DAP3: variants seen among roughly 807,000 people sequenced by gnomAD.
DAP3 encodes small ribosomal subunit protein mS29.
Under a neutral mutation model 51.9 loss-of-function variants are expected in DAP3, and 28 were observed. The observed-to-expected ratio is 0.54, with a 90% CI of 0.40 to 0.74. The LOEUF (loss-of-function observed/expected upper bound fraction) is 0.74, where lower values mean the gene tolerates loss of function less well. DAP3 is among the 30% of genes least tolerant of loss of function. The pLI, the probability that DAP3 is intolerant of heterozygous loss-of-function variation, is 0.00. For synonymous variants in DAP3, 170 were observed against 170.3 expected, an observed-to-expected ratio of 1.00 and a Z score of 0.01; for missense variants, 458 against 483.5, an observed-to-expected ratio of 0.95 and a Z score of 0.49.
chr1:155,725,347 C>T (rs1384680916), intron 4 of DAP3, 35 bp from the exon 5 acceptor site: 14 of 1,595,572 alleles, frequency 8.8e-6, no homozygotes, highest in Non-Finnish European at 1.2e-5. Flanking sequence ...TCCTTCCACA[C>T]CCACCCACTC....
chr1:155,688,308 C>T (rs1461736491), upstream of DAP3: 2 of 1,564,372 alleles, frequency 1.3e-6, no homozygotes, highest in African/African-American at 1.4e-5. Context: ...CCTCGCAAAG[C>T]GAACCCAAAA....
At chr1:155,726,113 C>CTTTTCTT in intron 6 of DAP3, 94 bp downstream of exon 6, 1 of 676,658 alleles carries the variant, frequency 1.5e-6, no homozygotes, top group South Asian at 2.3e-5. Context: ...CTTTTCTTTT[C>CTTTTCTT]TTTTTTTTTT....
In DAP3 at chr1:155,721,586, C is replaced by G; in HGVS notation, c.238C>G (p.Pro80Ala). The G allele has an allele frequency of 6.2e-7, 1 of 1,614,052 alleles. No individual in the cohort carries two copies. The highest frequency in any genetic ancestry group is 8.5e-7 in the Non-Finnish European group (1 of 1,180,016). ...CCCCCAGGATTTGGAGACTGTATTT[C>G]CCCATGGCCTTCCTCCTCGCTTTGT... ...ISPQDLETVFPHGLPPRFVMQ... is the reference protein window; with the variant it reads ...ISPQDLETVFAHGLPPRFVMQ... The change falls in exon 4 of 13, where the codon CCC becomes GCC. Residue 80 changes from proline (P) to alanine (A), a missense_variant. Transcript: ENST00000368336.
Position 155,689,102 on chromosome 1 carries a change from A to G in DAP3, c.-80A>G, listed in dbSNP as rs996270587. 10 of 1,337,282 alleles carry G rather than the reference A, an allele frequency of 7.5e-6. No homozygotes were observed. Among genetic ancestry groups the G allele is most frequent in the South Asian group, 2.5e-5 (2 of 78,886 alleles). The allele number at this position is 1,337,282 out of a possible 1,614,324, so 82.8% of individuals were successfully genotyped here. A position where few individuals can be genotyped will look rare whatever the true frequency, so the allele number is the denominator to read the frequency against. The stretch of plus-strand genomic sequence containing the variant: ...CCCGACCCTTTTTTGCAGTCTCAGG[A>G]CGGGCGCTTTGGAGCCGGCCCCAGG... On this transcript the variant is annotated 5_prime_UTR_variant, in exon 1 of 13. Transcript: ENST00000368336.
At chr1:155,717,374 C>A (rs1338815103) in intron 3 of DAP3, among the ~76,000 whole-genome samples, 1 of 152,152 alleles carries the variant, frequency 6.6e-6, no homozygotes, top group Non-Finnish European at 1.5e-5. Context: ...TCACCTAGTT[C>A]CACGGATTTT....
chr1:155,733,083 G>A (rs978564700), intron 11 of DAP3, among the ~76,000 whole-genome samples: 3 of 152,220 alleles, frequency 2.0e-5, no homozygotes, highest in Non-Finnish European at 2.9e-5. Flanking sequence ...CAGTCTGTCA[G>A]TCTTTGTCAT....
At chr1:155,694,707 T>G (rs185132286) in intron 1 of DAP3, among the ~76,000 whole-genome samples, 28 of 152,342 alleles carry the variant, frequency 1.8e-4, no homozygotes, top group African/African-American at 5.5e-4. Context: ...AGATGTCTTG[T>G]AGGTACCCAA....
chr1:155,728,382 T>C (rs1487091158), intron 7 of DAP3, among the ~76,000 whole-genome samples: 41 of 143,384 alleles, frequency 2.9e-4, no homozygotes, highest in East Asian at 2.3e-3. Context: ...GCCAACATGG[T>C]GAAATCCCAT....
upstream of DAP3, chr1:155,688,166 T>G: frequency 6.2e-7 from 1 of 1,613,918 alleles, no homozygotes; most frequent in East Asian, 2.2e-5. Context: ...CGCGGATCCC[T>G]CCCGCTTGTC....
At chr1:155,701,008 G>T in intron 1 of DAP3, among the ~76,000 whole-genome samples, 1 of 125,420 alleles carries the variant, frequency 8.0e-6, no homozygotes, top group Admixed American at 7.3e-5. Context: ...GAGGTGGGGG[G>T]GTCAGCCCCC....
rs1463368138 is a variant in DAP3, at chr1:155,738,494, T to C, written c.*252T>C. 2.4e-6 allele frequency: 1 copy of C among 415,608 alleles called. No individual in the cohort carries two copies. The highest frequency in any genetic ancestry group is 2.0e-5 in the African/African-American group (1 of 49,458). The allele number at this position is 415,608 out of a possible 1,614,324, so 25.7% of individuals were successfully genotyped here. A position where few individuals can be genotyped will look rare whatever the true frequency, so the allele number is the denominator to read the frequency against. On this transcript the variant is annotated 3_prime_UTR_variant, in exon 13 of 13. Transcript: ENST00000368336. ...TGGTTTTTCACATTTAAGATAATTA[T>C]GGCTCTTTTCCTAAAAAATAAAATA... is the stretch of plus-strand genomic sequence containing the variant.
chr1:155,696,224 G>A (rs2149111481), intron 1 of DAP3, among the ~76,000 whole-genome samples: 1 of 151,920 alleles, frequency 6.6e-6, no homozygotes, highest in African/African-American at 2.4e-5. Flanking sequence ...GTGTGAAGTA[G>A]GGAACACAAT....
intron 3 of DAP3, among the ~76,000 whole-genome samples, chr1:155,721,163 C>T (rs1019019511): frequency 6.6e-6 from 1 of 151,738 alleles, no homozygotes; most frequent in Non-Finnish European, 1.5e-5. Context: ...TGGTGAAACC[C>T]CGTCTCTACT....
chr1:155,688,725 A>T, upstream of DAP3: 3 of 1,501,650 alleles, frequency 2.0e-6, no homozygotes, highest in Non-Finnish European at 2.7e-6. Flanking sequence ...CCCCGCCCGC[A>T]CGGCCACCAA....
At chr1:155,709,887 T>C in intron 2 of DAP3, 63 bp downstream of exon 2, 1 of 1,502,162 alleles carries the variant, frequency 6.7e-7, no homozygotes, top group Non-Finnish European at 9.2e-7. Context: ...ATTCTTGTTT[T>C]CAGATGGATT....
rs1169838204 is a variant in DAP3 at position 155,709,818 on chromosome 1, C to A, written c.39C>A (p.Ile13=). ...GAATAACAAGGCTTATCTCTAGGAT[C>A]CATAAGGTGAGTCCTGACTGACCTG... ...LKGITRLISR[I]HKLDPGRFLH... Residue 13 remains isoleucine (I), a synonymous_variant, in exon 2 of 13, where the codon ATC becomes ATA. Coordinates refer to ENST00000368336, the MANE Select transcript of DAP3 (RefSeq NM_004632.4). 1 of 1,613,166 alleles carries A rather than the reference C, an allele frequency of 6.2e-7. No individual in the cohort carries two copies. Among genetic ancestry groups the A allele is most frequent in the Admixed American group, 1.7e-5 (1 of 59,912 alleles).
Position 155,716,882 on chromosome 1 carries a change from G to A in DAP3, c.46-124G>A, listed in dbSNP as rs1013730444. 44 of 1,344,270 alleles carry A rather than the reference G, an allele frequency of 3.3e-5. No individual in the cohort carries two copies. In the Admixed American group the frequency reaches 4.9e-4, roughly 15 times the overall value. 83.3% of individuals were successfully genotyped at this position (1,344,270 alleles called of 1,614,324 possible). A position where few individuals can be genotyped will look rare whatever the true frequency, so the allele number is the denominator to read the frequency against. ...GAATCACTTGAACCTGGAAGGCGGA[G>A]GTTGTAGTGAGCCTGAGATCACGCC... is the stretch of plus-strand genomic sequence containing the variant. On this transcript the variant is annotated intron_variant, in intron 2 of 12. Transcript: ENST00000368336.
upstream of DAP3, chr1:155,688,991 G>A (rs369751610): frequency 3.1e-6 from 5 of 1,603,334 alleles, no homozygotes; most frequent in Non-Finnish European, 4.3e-6. Flanking sequence ...CCGCGGCGAG[G>A]GGATCGAGGG....
At position 155,727,595 on chromosome 1, in the gene DAP3, CT is replaced by C. The variant is rs771444391; in HGVS notation, c.473-5del. 5 of 1,607,374 alleles carry C rather than the reference CT, an allele frequency of 3.1e-6. No homozygotes were observed. The highest frequency in any genetic ancestry group is 1.7e-4 in the Middle Eastern group (1 of 6,006). Reference sequence around the variant, plus strand: ...CTGCCTGGCTTGTTTTCTTCTGCCTCTTTTTTTTAAAGCTCATCTTTGGGTG... The same window carrying C: ...CTGCCTGGCTTGTTTTCTTCTGCCTCTTTTTTTAAAGCTCATCTTTGGGTG... On this transcript the variant is annotated splice_polypyrimidine_tract_variant and intron_variant, in intron 6 of 12. Transcript: ENST00000368336.
Sources: allele counts gnomAD v4.1 joint callset (sites outside exome capture counted in the v4.1 genomes callset), GRCh38; gene constraint gnomAD v4.1.1; transcripts MANE v1.5; gene names NCBI Gene and HGNC (gene_info 2026-07-23, HGNC 2026-07-21).